The following RBMS3 variants were observed in gnomAD, a reference collection of about 807,000 sequenced individuals.
RBMS3 encodes the protein RNA-binding motif, single-stranded-interacting protein 3.
Under a neutral mutation model 66.8 loss-of-function variants are expected in RBMS3, and 27 were observed. The observed-to-expected ratio is 0.40, with a 90% CI of 0.30 to 0.56. RBMS3 has a LOEUF of 0.56. RBMS3 is among the 20% of genes least tolerant of loss of function. The pLI is 0.40. For synonymous variants in RBMS3, 188 were observed against 183.0 expected (o/e 1.03, Z -0.22); for missense variants, 513 against 549.5 (o/e 0.93, Z 0.66).
At chr3:29,638,510 T>C (rs2049558165) in intron 4 of RBMS3, among the ~76,000 whole-genome samples, 1 of 151,866 alleles carries the variant, frequency 6.6e-6, no homozygotes, top group Non-Finnish European at 1.5e-5. Flanking sequence ...GCTGAAAAAT[T>C]ACTTGATAGT....
At chr3:29,752,699 C>A (rs1239970157) in intron 5 of RBMS3, among the ~76,000 whole-genome samples, 1 of 152,096 alleles carries the variant, frequency 6.6e-6, no homozygotes, top group Non-Finnish European at 1.5e-5. Context: ...TGCCAGTTTG[C>A]AAATAGTTTC....
intron 6 of RBMS3, among the ~76,000 whole-genome samples, chr3:29,819,862 T>C (rs1240739783): frequency 6.6e-6 from 1 of 152,142 alleles, no homozygotes; most frequent in African/African-American, 2.4e-5. Flanking sequence ...TGAATTAAAG[T>C]GTCGAAGCCA....
chr3:29,644,815 G>A (rs1318613611), intron 4 of RBMS3, among the ~76,000 whole-genome samples: 1 of 152,144 alleles, frequency 6.6e-6, no homozygotes, highest in Admixed American at 6.6e-5. Context: ...GAACCTGAAT[G>A]TGTACTTCAA....
chr3:29,796,712 CTTT>C (rs71295051), intron 6 of RBMS3, among the ~76,000 whole-genome samples: 4 of 115,264 alleles, frequency 3.5e-5, no homozygotes, highest in East Asian at 2.3e-4. Context: ...TGAAAGGAAT[CTTT>C]TTTTTTTTTT....
rs571203243 is a variant in RBMS3, at chr3:29,896,672, T to C, written c.792-707T>C. Among the ~76,000 whole-genome samples, 59 of 151,714 alleles carry C rather than the reference T, an allele frequency of 3.9e-4. No homozygotes were observed. The South Asian group carries it at 0.012, about 30-fold the overall frequency. On this transcript the variant is annotated intron_variant, in intron 8 of 14. Coordinates refer to ENST00000383767, the MANE Select transcript of RBMS3 (RefSeq NM_001003793.3). ...TGATTTTCACATCCAGAAGCTACCCTTTAATAGATCTCCAGGAGAATCATC... is the reference window on the plus strand; with the variant it reads ...TGATTTTCACATCCAGAAGCTACCCCTTAATAGATCTCCAGGAGAATCATC...
intron 3 of RBMS3, among the ~76,000 whole-genome samples, chr3:29,541,518 A>C (rs1258405907): frequency 6.8e-6 from 1 of 147,798 alleles, no homozygotes. Flanking sequence ...GCTGAATCTC[A>C]CCTCATTTCA....
At chr3:29,675,455 C>A (rs1052450915) in intron 4 of RBMS3, among the ~76,000 whole-genome samples, 2 of 152,256 alleles carry the variant, frequency 1.3e-5, no homozygotes, top group East Asian at 3.9e-4. Context: ...AGAGCTTCTG[C>A]ACAGGAAAAG....
In RBMS3 at chr3:29,374,097, A is replaced by T. The variant is rs113269973; in HGVS notation, c.76-60646A>T. On this transcript the variant is annotated intron_variant, in intron 1 of 14. Transcript: ENST00000383767. ...TGGGCTTGCAGAGAAGGGGAAATGT[A>T]TCAGCCTGGGGACTATAACCATTTG... Among the ~76,000 whole-genome samples the T allele has an allele frequency of 1.9e-3, 287 of 152,314 alleles. 5 individuals are homozygous for T. Among genetic ancestry groups the T allele is most frequent in the African/African-American group, 6.8e-3 (283 of 41,564 alleles).
At chr3:29,535,272 G>A (rs1012190373) in intron 3 of RBMS3, among the ~76,000 whole-genome samples, 2 of 152,074 alleles carry the variant, frequency 1.3e-5, no homozygotes, top group African/African-American at 4.8e-5. Context: ...TTACAATAAA[G>A]ATTTTGAAAA....
chr3:29,713,618 C>T (rs2053263668), intron 4 of RBMS3, among the ~76,000 whole-genome samples: 1 of 152,138 alleles, frequency 6.6e-6, no homozygotes, highest in Non-Finnish European at 1.5e-5. Flanking sequence ...TCCACATTCT[C>T]TTCAAACATT....
intron 1 of RBMS3, among the ~76,000 whole-genome samples, chr3:29,312,071 C>T (rs1424467022): frequency 3.3e-5 from 5 of 151,722 alleles, no homozygotes; most frequent in Admixed American, 2.0e-4. Context: ...AGAGGCCTAA[C>T]GCTGGTTAGT....
chr3:29,797,523 T>G (rs1308662075), intron 6 of RBMS3: 1 of 152,196 alleles, frequency 6.6e-6, no homozygotes, highest in African/African-American at 2.4e-5. Context: ...TCACTGCAGT[T>G]GCATTTTCAA....
chr3:29,644,699 T>C (rs78160546), intron 4 of RBMS3, among the ~76,000 whole-genome samples: 2,712 of 152,304 alleles, frequency 0.018, 79 homozygotes, highest in African/African-American at 0.057. Flanking sequence ...TAGTCTTTCA[T>C]TGCAGGCACT....
chr3:29,943,703 A>G (rs1336016666), intron 11 of RBMS3, among the ~76,000 whole-genome samples: 3 of 151,802 alleles, frequency 2.0e-5, no homozygotes, highest in African/African-American at 7.2e-5. Context: ...CTGGGATCAG[A>G]GCTAGAGCTG....
chr3:29,897,336 T>A (rs1173134303), intron 8 of RBMS3, 43 bp from the exon 9 acceptor site: 1 of 1,545,348 alleles, frequency 6.5e-7, no homozygotes, highest in Non-Finnish European at 8.9e-7. Context: ...AGGCCAGGCA[T>A]GTAGCAGCTT....
chr3:29,665,031 A>G (rs187717999), intron 4 of RBMS3, among the ~76,000 whole-genome samples: 2 of 152,342 alleles, frequency 1.3e-5, no homozygotes, highest in East Asian at 3.9e-4. Context: ...AATAATGTTT[A>G]GTGAAAATAA....
At chr3:29,777,659 C>T (rs528833583) in intron 6 of RBMS3, among the ~76,000 whole-genome samples, 1 of 152,000 alleles carries the variant, frequency 6.6e-6, no homozygotes, top group East Asian at 1.9e-4. Context: ...CATTCTGCTT[C>T]CTGCTTTCTA....
In RBMS3 at chr3:29,592,909, C is replaced by CA. The variant is rs537253909; in HGVS notation, c.399+5710dup. Among the ~76,000 whole-genome samples, 473 of 147,236 alleles carry CA rather than the reference C, an allele frequency of 3.2e-3. 3 individuals are homozygous for CA. The highest frequency in any genetic ancestry group is 0.011 in the Middle Eastern group (3 of 266). On this transcript the variant is annotated intron_variant, in intron 4 of 14. Coordinates refer to ENST00000383767, the MANE Select transcript of RBMS3 (RefSeq NM_001003793.3). Reference sequence around the variant, plus strand: ...CATTCTCAGCAAACTATCGCAAGGACAAAAAACCAAACACCGCATGTTCTC... The same window carrying CA: ...CATTCTCAGCAAACTATCGCAAGGACAAAAAAACCAAACACCGCATGTTCTC...
At chr3:29,798,639 T>A (rs1451358316) in intron 6 of RBMS3, among the ~76,000 whole-genome samples, 2 of 152,344 alleles carry the variant, frequency 1.3e-5, no homozygotes, top group African/African-American at 4.8e-5. Flanking sequence ...GTTGTTGGCA[T>A]GTTATGCTTT....
Sources: gnomAD v4.1 joint callset for allele counts (sites outside exome capture counted in the v4.1 genomes callset) on GRCh38, gnomAD v4.1.1 for gene constraint, MANE v1.5 for transcripts, NCBI Gene and HGNC (gene_info 2026-07-23, HGNC 2026-07-21) for gene names.